TEX2: variants seen among roughly 807,000 people sequenced by gnomAD.
TEX2 encodes the protein testis-expressed protein 2.
Under a neutral mutation model 106.9 loss-of-function variants are expected in TEX2, and 53 were observed. That is an observed-to-expected ratio of 0.50 (90% confidence interval 0.40 to 0.62). The LOEUF (loss-of-function observed/expected upper bound fraction) is 0.62. Among genes scored for constraint, TEX2 ranks in the 20% least tolerant of loss-of-function variants. The pLI, the probability that TEX2 is intolerant of heterozygous loss-of-function variation, is 0.00. For missense variants in TEX2, 1,207 were observed against 1,379.0 expected (o/e 0.88, Z 1.98); for synonymous variants, 523 against 534.8 (o/e 0.98, Z 0.30).
At chr17:64,219,708 G>C (rs1453578570) in intron 1 of TEX2, among the ~76,000 whole-genome samples, 1 of 152,038 alleles carries the variant, frequency 6.6e-6, no homozygotes, top group African/African-American at 2.4e-5. Flanking sequence ...AACAGGACCA[G>C]ATGGAAGGTT....
intron 2 of TEX2, among the ~76,000 whole-genome samples, chr17:64,204,844 A>C (rs1290382695): frequency 6.6e-6 from 1 of 152,210 alleles, no homozygotes; most frequent in Non-Finnish European, 1.5e-5. Context: ...TATATAGGTA[A>C]CCAGAATTAC....
chr17:64,150,710 A>T, intron 11 of TEX2, 131 bp downstream of exon 11: 1 of 984,360 alleles, frequency 1.0e-6, no homozygotes, highest in Non-Finnish European at 1.5e-6. Flanking sequence ...ATCAAATGTA[A>T]TACTCTTCCG....
At chr17:64,231,811 C>T (rs987026114) in intron 1 of TEX2, among the ~76,000 whole-genome samples, 7 of 152,202 alleles carry the variant, frequency 4.6e-5, no homozygotes, top group African/African-American at 1.4e-4. Flanking sequence ...TTTTTCCTTA[C>T]ATATAATGCA....
chr17:64,232,477 T>C (rs2033679967), intron 1 of TEX2, among the ~76,000 whole-genome samples: 1 of 152,222 alleles, frequency 6.6e-6, no homozygotes, highest in Non-Finnish European at 1.5e-5. Flanking sequence ...AAGGGGTTCA[T>C]AATGACATTA....
In TEX2 at chr17:64,188,155, C is replaced by T. The variant is rs1349525360; in HGVS notation, c.2424+13G>A. The T allele has an allele frequency of 1.2e-6, 2 of 1,600,666 alleles. No homozygotes were observed. Among genetic ancestry groups the T allele is most frequent in the East Asian group, 4.5e-5 (2 of 44,770 alleles). ...GAAAAGTGAAAAAGGTCCGGCCCAG[C>T]AGCCAGCTTTACCTTCTTCCCAGCT... On this transcript the variant is annotated intron_variant, in intron 5 of 11. Transcript: ENST00000584379.
chr17:64,239,261 T>A (rs2033833716), intron 1 of TEX2: 1 of 152,234 alleles, frequency 6.6e-6, no homozygotes. Flanking sequence ...TTTTCTGTTA[T>A]TACCTGCAAT....
intron 7 of TEX2, among the ~76,000 whole-genome samples, chr17:64,167,120 A>T (rs1444958873): frequency 6.6e-6 from 1 of 152,178 alleles, no homozygotes; most frequent in Non-Finnish European, 1.5e-5. Context: ...CTGCTCTGGA[A>T]AAGGTGGTCA....
In TEX2 at chr17:64,212,860, C is replaced by T. The variant is rs141955251; in HGVS notation, c.1358G>A (p.Gly453Asp). 7 of 1,614,104 alleles carry T rather than the reference C, an allele frequency of 4.3e-6. No individual in the cohort carries two copies. The African/African-American group carries it at 8.0e-5, about 18-fold the overall frequency. The stretch of plus-strand genomic sequence containing the variant: ...CTCGTCCTCACTGTCAAGGACCACA[C>T]CATCTTCCGCGAGCACCTCTGGCTT... ...PLKPEVLAED[G>D]VVLDSEDEVD... Residue 453 changes from glycine to aspartate, a missense_variant, in exon 2 of 12, where the codon GGT (glycine) becomes GAT (aspartate). Gly to Asp is a moderately conservative substitution (Grantham distance 94). Around this residue, in one of 3 missense-constraint regions of TEX2, gnomAD observed 1,067 missense variants for 1,193.6 expected, o/e 0.89. Coordinates refer to ENST00000584379, the MANE Select transcript of TEX2 (RefSeq NM_001288732.2).
intron 1 of TEX2, among the ~76,000 whole-genome samples, chr17:64,240,178 A>G (rs549864082): frequency 1.6e-4 from 24 of 152,010 alleles, no homozygotes; most frequent in African/African-American, 5.8e-4. Flanking sequence ...ATGAAGCTTA[A>G]CTTTCCTCTA....
chr17:64,236,683 GAGGGATGATT>G (rs2033775686), intron 1 of TEX2, among the ~76,000 whole-genome samples: 1 of 152,206 alleles, frequency 6.6e-6, no homozygotes, highest in South Asian at 2.1e-4. Flanking sequence ...TATGGATACC[GAGGGATGATT>G]ACACTACAAT....
chr17:64,150,058 T>A (rs978398385), intron 11 of TEX2: 1 of 152,176 alleles, frequency 6.6e-6, no homozygotes, highest in Non-Finnish European at 1.5e-5. Flanking sequence ...ATGTTTAATC[T>A]CTAGTTTTTA....
In TEX2 at chr17:64,177,478, A is replaced by G. The variant is rs757923662; in HGVS notation, c.2425-7T>C. The G allele has an allele frequency of 6.2e-7, 1 of 1,610,928 alleles. No homozygotes were observed. Among genetic ancestry groups the G allele is most frequent in the Non-Finnish European group, 8.5e-7 (1 of 1,179,162 alleles). ...AGGGTGGAACCTCTGGCAACTGGCA[A>G]AAGAAAAGGGACCAAAATTAGCTAG... On this transcript the variant is annotated splice_region_variant and splice_polypyrimidine_tract_variant and intron_variant, in intron 5 of 11. Coordinates refer to ENST00000584379, the MANE Select transcript of TEX2 (RefSeq NM_001288732.2).
intron 1 of TEX2, among the ~76,000 whole-genome samples, chr17:64,255,281 AC>A (rs1462152729): frequency 1.3e-5 from 2 of 152,206 alleles, no homozygotes; most frequent in Non-Finnish European, 2.9e-5. Flanking sequence ...CTTCTCATAC[AC>A]AAGTCTGTAA....
At chr17:64,193,468 C>CG in intron 4 of TEX2, 91 bp downstream of exon 4, 1 of 924,384 alleles carries the variant, frequency 1.1e-6, no homozygotes. Flanking sequence ...GGTGGGCTTC[C>CG]TTCCTTCCTT....
chr17:64,174,687 C>T (rs575413955), intron 6 of TEX2, among the ~76,000 whole-genome samples: 6 of 152,342 alleles, frequency 3.9e-5, no homozygotes, highest in African/African-American at 1.4e-4. Context: ...GGGACGTTCT[C>T]AGGCTGGTGG....
At position 64,153,160 on chromosome 17, in the gene TEX2, A is replaced by C. The variant is rs758529989; in HGVS notation, c.2931-6T>G. 2.5e-6 allele frequency: 4 copies of C among 1,607,796 alleles called. No individual in the cohort carries two copies. The highest frequency in any genetic ancestry group is 1.1e-5 in the South Asian group (1 of 90,704). The stretch of plus-strand genomic sequence containing the variant: ...TTCGATGACCTCCAACGTACCTTCA[A>C]ATGTGGAACACAAAGGGCGGTTAGC... On this transcript the variant is annotated splice_polypyrimidine_tract_variant and splice_region_variant and intron_variant, in intron 9 of 11. Transcript: ENST00000584379. This position sits in a 1 kb window ranked among gnomAD's most constrained non-coding sequence, Gnocchi z 4.1.
chr17:64,218,306 C>T lies in TEX2; in HGVS notation c.-25-4064G>A, dbSNP rs1055388822. Reference sequence around the variant, plus strand: ...AAGAACTGAGCAAGGAATAACAGTACAGAAACTAAAGAAAACAGGAACCCC... The same window carrying T: ...AAGAACTGAGCAAGGAATAACAGTATAGAAACTAAAGAAAACAGGAACCCC... On this transcript the variant is annotated intron_variant, in intron 1 of 11. Coordinates refer to ENST00000584379, the MANE Select transcript of TEX2 (RefSeq NM_001288732.2). Among the ~76,000 whole-genome samples the T allele has an allele frequency of 2.7e-5, 4 of 150,842 alleles. No individual in the cohort carries two copies. In the South Asian group the frequency reaches 6.3e-4, roughly 24 times the overall value.
chr17:64,227,953 G>A (rs548901919), intron 1 of TEX2, among the ~76,000 whole-genome samples: 15 of 152,166 alleles, frequency 9.9e-5, no homozygotes, highest in Non-Finnish European at 1.9e-4. Flanking sequence ...TTTAATCGCT[G>A]TATAGGATGA....
intron 5 of TEX2, among the ~76,000 whole-genome samples, chr17:64,179,621 T>C (rs905557170): frequency 3.9e-5 from 6 of 152,174 alleles, no homozygotes; most frequent in African/African-American, 1.2e-4. Context: ...TCCACATACA[T>C]TGCCACAGCC....
Sources: allele counts gnomAD v4.1 joint callset (sites outside exome capture counted in the v4.1 genomes callset), GRCh38; gene constraint gnomAD v4.1.1; regional missense constraint gnomAD v4.1.1; non-coding constraint Gnocchi (gnomAD v3.1); transcripts MANE v1.5; gene names NCBI Gene and HGNC (gene_info 2026-07-23, HGNC 2026-07-21).